The following BCL2L15 variants were observed in gnomAD, a reference collection of about 807,000 sequenced individuals.
BCL2L15 encodes bcl-2-like protein 15.
BCL2L15 carries 15 observed loss-of-function variants against 18.3 expected under a neutral mutation model. The observed-to-expected ratio is 0.82, with a 90% confidence interval of 0.55 to 1.26. The LOEUF is 1.26. Among genes scored for constraint, BCL2L15 ranks in the 50% most tolerant of loss-of-function variants. The probability of loss-of-function intolerance (pLI) is 0.00; values close to 1 mark genes in which losing one functional copy is unlikely to be tolerated. For synonymous variants in BCL2L15, 58 were observed against 68.5 expected (o/e 0.85, Z 0.76); for missense variants, 180 against 201.7 (o/e 0.89, Z 0.65).
rs575332950 is a variant in BCL2L15 at position 113,881,285 on chromosome 1, T to C, written c.475-145A>G. 350 of 1,247,502 alleles carry C rather than the reference T, an allele frequency of 2.8e-4. 4 individuals are homozygous for C. The South Asian group carries it at 4.5e-3, about 16-fold the overall frequency. The allele number at this position is 1,247,502 out of a possible 1,614,324, so 77.3% of individuals were successfully genotyped here. A position where few individuals can be genotyped will look rare whatever the true frequency, so the allele number is the denominator to read the frequency against. On this transcript the variant is annotated intron_variant, in intron 3 of 3. Coordinates refer to ENST00000393316, the MANE Select transcript of BCL2L15 (RefSeq NM_001010922.3). ...ACCCTGTAAATGGAAAGGAGTGCTC[T>C]ATGACAGCATAAGTTCTGATGATTA... is the stretch of plus-strand genomic sequence containing the variant.
chr1:113,882,215 C>T (rs901681490), intron 2 of BCL2L15, among the ~76,000 whole-genome samples: 1 of 152,118 alleles, frequency 6.6e-6, no homozygotes, highest in African/African-American at 2.4e-5. Context: ...CCATCAAACC[C>T]ATGACTTCAG....
chr1:113,879,643 T>C lies in BCL2L15; in HGVS notation c.*1480A>G, dbSNP rs577719962. The C allele has an allele frequency of 2.0e-5, 3 of 152,364 alleles. No individual in the cohort carries two copies. The South Asian group carries it at 6.2e-4, about 32-fold the overall frequency. 9.4% of individuals were successfully genotyped at this position (152,364 alleles called of 1,614,324 possible). A position where few individuals can be genotyped will look rare whatever the true frequency, so the allele number is the denominator to read the frequency against. ...GTGTTTGCTGGAATTGTCAGGACTGTAATAGAGTTTCAGTTACCAAGGAGA... is the reference window on the plus strand; with the variant it reads ...GTGTTTGCTGGAATTGTCAGGACTGCAATAGAGTTTCAGTTACCAAGGAGA... On this transcript the variant is annotated 3_prime_UTR_variant, in exon 4 of 4. Coordinates refer to ENST00000393316, the MANE Select transcript of BCL2L15 (RefSeq NM_001010922.3).
Position 113,881,128 on chromosome 1 carries a change from T to G in BCL2L15, c.487A>C (p.Ser163Arg). The change falls in exon 4 of 4, where the codon AGC (serine) becomes CGC (arginine). Residue 163 changes from serine (S) to arginine (R), a missense_variant. By Grantham distance (110) the Ser-to-Arg change is moderately radical. Transcript: ENST00000393316. ...TCGTGAATAGCTCCAACTCTTCAGC[T>G]CTCCAGATTTTCCTAGGGAAGACAG... is the stretch of plus-strand genomic sequence containing the variant. The part of the protein sequence containing the change: ...QGQGGWENLE[S>R] 1 of 1,614,136 alleles carries G rather than the reference T, an allele frequency of 6.2e-7. No individual in the cohort carries two copies. Among genetic ancestry groups the G allele is most frequent in the Non-Finnish European group, 8.5e-7 (1 of 1,180,006 alleles).
At position 113,887,485 on chromosome 1, in the gene BCL2L15, T is replaced by A. The variant is rs1302649713; in HGVS notation, c.-110A>T. ...ACAAATGTTTCTACCTCTTGTAGTT[T>A]CCTGACATGTAATCCTGGAACTTTT... is the stretch of plus-strand genomic sequence containing the variant. On this transcript the variant is annotated 5_prime_UTR_variant, in exon 1 of 4. Coordinates refer to ENST00000393316, the MANE Select transcript of BCL2L15 (RefSeq NM_001010922.3). The A allele has an allele frequency of 2.7e-6, 4 of 1,455,118 alleles. No homozygotes were observed. The highest frequency in any genetic ancestry group is 3.8e-6 in the Non-Finnish European group (4 of 1,060,854). The allele number at this position is 1,455,118 out of a possible 1,614,324, so 90.1% of individuals were successfully genotyped here. A position where few individuals can be genotyped will look rare whatever the true frequency, so the allele number is the denominator to read the frequency against.
intron 2 of BCL2L15, among the ~76,000 whole-genome samples, chr1:113,886,205 G>C (rs1313281525): frequency 9.2e-6 from 1 of 108,402 alleles, no homozygotes; most frequent in Non-Finnish European, 1.7e-5. Flanking sequence ...GACACAGTAA[G>C]ACCCTGTCTG....
intron 1 of BCL2L15, among the ~76,000 whole-genome samples, chr1:113,886,937 G>A (rs1228906801): frequency 2.7e-5 from 4 of 149,154 alleles, no homozygotes; most frequent in Non-Finnish European, 5.9e-5. Context: ...AGTCTCTGTC[G>A]CCCAGACTGG....
rs961007485 is a variant in BCL2L15, at chr1:113,880,441, A to G, written c.*682T>C. The G allele has an allele frequency of 2.0e-5, 3 of 152,284 alleles. No individual in the cohort carries two copies. Among genetic ancestry groups the G allele is most frequent in the Non-Finnish European group, 2.9e-5 (2 of 68,120 alleles). The allele number at this position is 152,284 out of a possible 1,614,324, so 9.4% of individuals were successfully genotyped here. ...GGAGATCCAGACCATCCTGGCTAAC[A>G]CGGCGAAACCTCATCTCTACTAAAA... On this transcript the variant is annotated 3_prime_UTR_variant, in exon 4 of 4. Transcript: ENST00000393316.
intron 2 of BCL2L15, among the ~76,000 whole-genome samples, chr1:113,882,312 T>C (rs1666899800): frequency 6.6e-6 from 1 of 152,212 alleles, no homozygotes; most frequent in South Asian, 2.1e-4. Context: ...GGTTAAATTG[T>C]AAAGGTATTG....
At position 113,887,344 on chromosome 1, in the gene BCL2L15, G is replaced by A. The variant is rs761350107; in HGVS notation, c.32C>T (p.Thr11Met). 53 of 1,613,974 alleles carry A rather than the reference G, an allele frequency of 3.3e-5. No homozygotes were observed. Among genetic ancestry groups the A allele is most frequent in the Non-Finnish European group, 4.1e-5 (48 of 1,179,952 alleles). ...GAGTAGAGTGTTCACAATGCATTCC[G>A]TTTGTTCCTCAAAAGTTTGGGAGCT... MKSSQTFEEQ[T>M]ECIVNTLLMD... is the part of the protein sequence containing the mutation. Residue 11 changes from threonine to methionine, a missense_variant, in exon 1 of 4, where the codon ACG becomes ATG. Thr to Met is a moderately conservative substitution (Grantham distance 81). Coordinates refer to ENST00000393316, the MANE Select transcript of BCL2L15 (RefSeq NM_001010922.3).
chr1:113,882,217 T>C (rs562365162), intron 2 of BCL2L15, among the ~76,000 whole-genome samples: 1 of 152,328 alleles, frequency 6.6e-6, no homozygotes, highest in South Asian at 2.1e-4. Flanking sequence ...ATCAAACCCA[T>C]GACTTCAGGT....
At position 113,879,842 on chromosome 1, in the gene BCL2L15, C is replaced by G. The variant is rs1279039046; in HGVS notation, c.*1281G>C. 6.6e-6 allele frequency: 1 copy of G among 152,180 alleles called. No individual in the cohort carries two copies. The highest frequency in any genetic ancestry group is 1.5e-5 in the Non-Finnish European group (1 of 68,032). 9.4% of individuals were successfully genotyped at this position (152,180 alleles called of 1,614,324 possible). A position where few individuals can be genotyped will look rare whatever the true frequency, so the allele number is the denominator to read the frequency against. On this transcript the variant is annotated 3_prime_UTR_variant, in exon 4 of 4. Transcript: ENST00000393316. ...TGAATGTTGCTCTATTCCAATAAAA[C>G]TTTATTTACAAAATAAGACAGCAAG...
intron 3 of BCL2L15, 62 bp downstream of exon 3, chr1:113,881,711 C>T: frequency 6.6e-7 from 1 of 1,516,894 alleles, no homozygotes; most frequent in East Asian, 2.4e-5. Flanking sequence ...AATTGGAATC[C>T]CAGGTATTAG....
intron 2 of BCL2L15, among the ~76,000 whole-genome samples, chr1:113,883,590 A>G (rs1183004360): frequency 3.3e-5 from 5 of 150,696 alleles, no homozygotes; most frequent in Non-Finnish European, 5.9e-5. Flanking sequence ...CCTGAGCAAC[A>G]TGGTAAAACC....
rs545629563 is a variant in BCL2L15 at position 113,877,964 on chromosome 1, G to T, written c.*3159C>A. ...CATAAATAAATAATAAGCATCTGTG[G>T]GTATGGAATTGAGAAGGGAAATAAA... On this transcript the variant is annotated 3_prime_UTR_variant, in exon 4 of 4. Coordinates refer to ENST00000393316, the MANE Select transcript of BCL2L15 (RefSeq NM_001010922.3). Among the ~76,000 whole-genome samples the T allele has an allele frequency of 6.6e-6, 1 of 152,252 alleles. No individual in the cohort carries two copies. Among genetic ancestry groups the T allele is most frequent in the Non-Finnish European group, 1.5e-5 (1 of 68,014 alleles).
At chr1:113,885,424 G>C (rs565669114) in intron 2 of BCL2L15, among the ~76,000 whole-genome samples, 1 of 151,868 alleles carries the variant, frequency 6.6e-6, no homozygotes, top group African/African-American at 2.4e-5. Flanking sequence ...ACGGTTAAGA[G>C]GGTGGTTCTT....
chr1:113,887,327 T>TGTTCACA lies in BCL2L15; in HGVS notation c.42_48dup (p.Thr17CysfsTer25). 2 of 1,614,060 alleles carry TGTTCACA rather than the reference T, an allele frequency of 1.2e-6. No homozygotes were observed. Among genetic ancestry groups the TGTTCACA allele is most frequent in the Non-Finnish European group, 1.7e-6 (2 of 1,180,002 alleles). On this transcript the variant is annotated frameshift_variant, in exon 1 of 4. Transcript: ENST00000393316. LOFTEE classifies it high-confidence loss of function. ...GGGCTCAAGAAGTCCATGAGTAGAG[T>TGTTCACA]GTTCACAATGCATTCCGTTTGTTCC...
chr1:113,881,164 ACAGT>A, intron 3 of BCL2L15, 24 bp from the exon 4 acceptor site: 2 of 1,614,114 alleles, frequency 1.2e-6, no homozygotes, highest in Non-Finnish European at 1.7e-6. Context: ...AGAAAATCCT[ACAGT>A]CAAAGGAATT....
rs1383131903 is a variant in BCL2L15, at chr1:113,879,772, C to G, written c.*1351G>C. On this transcript the variant is annotated 3_prime_UTR_variant, in exon 4 of 4. Coordinates refer to ENST00000393316, the MANE Select transcript of BCL2L15 (RefSeq NM_001010922.3). ...TATGGTCTTCTATAATCATTCAACT[C>G]TGCCATTGTAGCACAAAAGCGGCCA... 1.3e-5 allele frequency: 2 copies of G among 152,200 alleles called. No homozygotes were observed. Among genetic ancestry groups the G allele is most frequent in the South Asian group, 2.1e-4 (1 of 4,824 alleles). 9.4% of individuals were successfully genotyped at this position (152,200 alleles called of 1,614,324 possible).
chr1:113,885,816 G>A (rs1211927085), intron 2 of BCL2L15, among the ~76,000 whole-genome samples: 1 of 151,724 alleles, frequency 6.6e-6, no homozygotes, highest in Non-Finnish European at 1.5e-5. Flanking sequence ...GCTGAGGCAG[G>A]AGAATTGCTT....
Sources: allele counts gnomAD v4.1 joint callset (sites outside exome capture counted in the v4.1 genomes callset), GRCh38; gene constraint gnomAD v4.1.1; transcripts MANE v1.5; gene names NCBI Gene and HGNC (gene_info 2026-07-23, HGNC 2026-07-21).